The following SHLD2 variants were observed in gnomAD, a reference collection of about 807,000 sequenced individuals.
The protein encoded by SHLD2 is shieldin complex subunit 2.
In SHLD2, 30 loss-of-function variants were observed where a neutral mutation model predicts 73.2. The observed-to-expected ratio is 0.41, with a 90% CI of 0.31 to 0.56. SHLD2 has a LOEUF of 0.56. Ranked by LOEUF, SHLD2 falls within the 20% of genes least tolerant of loss-of-function variation. SHLD2 has a pLI of 0.28. For synonymous variants in SHLD2, 285 were observed against 370.1 expected, an observed-to-expected ratio of 0.77 and a Z score of 2.64; for missense variants, 745 against 1,055.9, an observed-to-expected ratio of 0.71 and a Z score of 4.08.
intron 2 of SHLD2, among the ~76,000 whole-genome samples, chr10:87,123,460 T>G (rs1843766145): frequency 6.6e-6 from 1 of 152,022 alleles, no homozygotes; most frequent in Non-Finnish European, 1.5e-5. Flanking sequence ...CATGCCTCGC[T>G]AAGTTTTGCA....
intron 2 of SHLD2, among the ~76,000 whole-genome samples, chr10:87,104,683 C>T (rs1842488466): frequency 6.7e-6 from 1 of 148,664 alleles, no homozygotes; most frequent in African/African-American, 2.5e-5. Flanking sequence ...TTTCTTGAGA[C>T]GGAGTCTTGC....
chr10:87,098,317 C>T (rs559654386), intron 2 of SHLD2, among the ~76,000 whole-genome samples: 28 of 151,894 alleles, frequency 1.8e-4, no homozygotes, highest in African/African-American at 6.5e-4. Context: ...AGTTCGAGAC[C>T]AGCCTGACCA....
At chr10:87,099,091 A>G (rs1453510020) in intron 2 of SHLD2, among the ~76,000 whole-genome samples, 1 of 152,200 alleles carries the variant, frequency 6.6e-6, no homozygotes, top group Non-Finnish European at 1.5e-5. Context: ...AAGTTTAATT[A>G]TTTGTAGTAA....
chr10:87,189,504 TTA>T (rs10604634), intron 9 of SHLD2, among the ~76,000 whole-genome samples: 2,215 of 152,282 alleles, frequency 0.015, 54 homozygotes, highest in African/African-American at 0.049. Context: ...CTAATATTGG[TTA>T]TGTTTTAGTT....
chr10:87,167,387 A>G (rs542976344), intron 4 of SHLD2, among the ~76,000 whole-genome samples: 2 of 152,288 alleles, frequency 1.3e-5, no homozygotes, highest in East Asian at 3.9e-4. Flanking sequence ...AAAGTTTTTT[A>G]TTGATGTAGG....
intron 8 of SHLD2, among the ~76,000 whole-genome samples, chr10:87,186,799 T>C (rs2134764337): frequency 1.3e-5 from 2 of 152,094 alleles, no homozygotes; most frequent in African/African-American, 4.8e-5. Flanking sequence ...TATTTTCATT[T>C]CTAAAAATAA....
At chr10:87,187,254 A>G (rs1848679472) in intron 9 of SHLD2, 54 bp downstream of exon 9, 2 of 1,052,920 alleles carry the variant, frequency 1.9e-6, no homozygotes, top group Non-Finnish European at 1.5e-6. Flanking sequence ...TATAAATGGT[A>G]TATCGGAACA....
At chr10:87,148,418 G>T (rs1281580189) in intron 2 of SHLD2, among the ~76,000 whole-genome samples, 3 of 152,184 alleles carry the variant, frequency 2.0e-5, no homozygotes, top group Non-Finnish European at 4.4e-5. Flanking sequence ...GGTAGTAAAA[G>T]TATTGAAAAC....
At chr10:87,113,114 T>G (rs1485504884) in intron 2 of SHLD2, among the ~76,000 whole-genome samples, 1 of 151,684 alleles carries the variant, frequency 6.6e-6, no homozygotes, top group East Asian at 1.9e-4. Context: ...TCACCTGAGG[T>G]TGGAAGTAGA....
chr10:87,182,267 G>A (rs865962392), intron 8 of SHLD2, among the ~76,000 whole-genome samples: 8 of 152,088 alleles, frequency 5.3e-5, no homozygotes, highest in Non-Finnish European at 1.0e-4. Flanking sequence ...AGGAATCCAC[G>A]TATGTTCACA....
rs71276300 is a variant in SHLD2 at position 87,135,660 on chromosome 10, ATT to A, written c.-5-15671_-5-15670del. On this transcript the variant is annotated intron_variant, in intron 2 of 9. Transcript: ENST00000298786. ...AGATGCATGCCACCACACCTGGCTA[ATT>A]TTTTTTTTTTTTTTTTTTAATAGAG... is the stretch of plus-strand genomic sequence containing the variant. Among the ~76,000 whole-genome samples, 411 of 133,512 alleles carry A rather than the reference ATT, an allele frequency of 3.1e-3. 1 individual carries two copies. The highest frequency in any genetic ancestry group is 0.028 in the East Asian group (127 of 4,504). 87.6% of individuals were successfully genotyped at this position (133,512 alleles called of 152,430 possible).
intron 2 of SHLD2, among the ~76,000 whole-genome samples, chr10:87,146,007 CCTA>C (rs1008882415): frequency 2.0e-5 from 3 of 152,170 alleles, no homozygotes; most frequent in African/African-American, 7.2e-5. Context: ...TTTCCATCCT[CCTA>C]CTCACATACT....
At chr10:87,189,239 G>A (rs1212857622) in intron 9 of SHLD2, among the ~76,000 whole-genome samples, 1 of 152,186 alleles carries the variant, frequency 6.6e-6, no homozygotes, top group Non-Finnish European at 1.5e-5. Flanking sequence ...AACCTCAGGT[G>A]ATCTGCCTGC....
chr10:87,111,742 T>G (rs1338409526), intron 2 of SHLD2, among the ~76,000 whole-genome samples: 2 of 150,444 alleles, frequency 1.3e-5, no homozygotes, highest in Non-Finnish European at 3.0e-5. Flanking sequence ...CCTCCCAAAG[T>G]GCTGGGATTA....
At chr10:87,145,010 G>C (rs188309198) in intron 2 of SHLD2, among the ~76,000 whole-genome samples, 6,697 of 135,668 alleles carry the variant, frequency 0.049, 234 homozygotes, top group Non-Finnish European at 0.067. Context: ...GCGTGATCTT[G>C]GTTCACTGCA....
chr10:87,135,210 A>G (rs1226345704), intron 2 of SHLD2, among the ~76,000 whole-genome samples: 2 of 151,544 alleles, frequency 1.3e-5, no homozygotes, highest in African/African-American at 4.8e-5. Flanking sequence ...GTTATAATTA[A>G]TGAACTAATA....
chr10:87,118,516 A>T (rs1449228840), intron 2 of SHLD2, among the ~76,000 whole-genome samples: 1 of 146,858 alleles, frequency 6.8e-6, no homozygotes, highest in South Asian at 2.2e-4. Context: ...CCTTCCCAGG[A>T]ATCAAAGATA....
At chr10:87,114,599 C>T (rs191731913) in intron 2 of SHLD2, among the ~76,000 whole-genome samples, 119 of 152,236 alleles carry the variant, frequency 7.8e-4, no homozygotes, top group Non-Finnish European at 9.8e-4. Flanking sequence ...GTCGTGGGTG[C>T]CTGTAATCCC....
At chr10:87,161,082 C>T (rs1314788545) in intron 4 of SHLD2, among the ~76,000 whole-genome samples, 2 of 151,846 alleles carry the variant, frequency 1.3e-5, no homozygotes, top group South Asian at 2.1e-4. Context: ...CCTGAAAACT[C>T]CAGGGAATCA....
Sources: allele counts gnomAD v4.1 joint callset (sites outside exome capture counted in the v4.1 genomes callset), GRCh38; gene constraint gnomAD v4.1.1; transcripts MANE v1.5; gene names NCBI Gene and HGNC (gene_info 2026-07-23, HGNC 2026-07-21).